The following HEATR5B variants were observed in gnomAD, a reference collection of about 807,000 sequenced individuals.
The protein encoded by HEATR5B is HEAT repeat-containing protein 5B.
A neutral mutation model predicts 224.1 loss-of-function variants in HEATR5B; 156 were observed. The ratio of observed to expected loss-of-function variants is 0.70; its 90% CI spans 0.61 to 0.80. The LOEUF (loss-of-function observed/expected upper bound fraction) is 0.80, where lower values mean the gene tolerates loss of function less well. Ranked by LOEUF, HEATR5B falls within the 30% of genes least tolerant of loss-of-function variation. The pLI is 0.00. For synonymous variants in HEATR5B, 1,027 were observed against 893.0 expected, an observed-to-expected ratio of 1.15 and a Z score of -2.68; for missense variants, 2,323 against 2,535.5, an observed-to-expected ratio of 0.92 and a Z score of 1.80.
At chr2:37,040,293 C>A in intron 20 of HEATR5B, 36 bp downstream of exon 20, 1 of 1,500,914 alleles carries the variant, frequency 6.7e-7, no homozygotes, top group Non-Finnish European at 9.2e-7. Flanking sequence ...TACTGATTAT[C>A]TAACTAGGTT....
chr2:37,046,008 T>C (rs1263911300), intron 18 of HEATR5B, among the ~76,000 whole-genome samples: 1 of 152,222 alleles, frequency 6.6e-6, no homozygotes, highest in Non-Finnish European at 1.5e-5. Context: ...ATTCTTTTAA[T>C]GTTTATCTGA....
chr2:37,068,953 C>G, intron 7 of HEATR5B, 23 bp from the exon 8 acceptor site: 1 of 1,603,126 alleles, frequency 6.2e-7, no homozygotes, highest in African/African-American at 1.3e-5. Flanking sequence ...GAAGGTACGA[C>G]TTCAGATACA....
intron 24 of HEATR5B, among the ~76,000 whole-genome samples, chr2:37,023,817 C>G (rs2148447914): frequency 6.6e-6 from 1 of 152,002 alleles, no homozygotes. Flanking sequence ...AAAAGAATAT[C>G]AGTTGCTTTG....
At chr2:37,034,074 T>G (rs1023311423) in intron 21 of HEATR5B, among the ~76,000 whole-genome samples, 1 of 152,016 alleles carries the variant, frequency 6.6e-6, no homozygotes, top group African/African-American at 2.4e-5. Flanking sequence ...GCTATTAATA[T>G]AGCATTTGTA....
intron 17 of HEATR5B, among the ~76,000 whole-genome samples, chr2:37,052,438 C>T (rs572863093): frequency 1.3e-5 from 2 of 152,302 alleles, no homozygotes; most frequent in East Asian, 1.9e-4. Flanking sequence ...ATACCATGGC[C>T]ATGATTTTTG....
intron 24 of HEATR5B, among the ~76,000 whole-genome samples, chr2:37,025,899 A>C (rs1036819647): frequency 6.6e-6 from 1 of 152,126 alleles, no homozygotes; most frequent in Non-Finnish European, 1.5e-5. Flanking sequence ...TTCATGTTGA[A>C]TCCCTCTGCT....
chr2:37,033,774 T>G (rs1369877880), intron 21 of HEATR5B, among the ~76,000 whole-genome samples: 1 of 152,178 alleles, frequency 6.6e-6, no homozygotes, highest in African/African-American at 2.4e-5. Context: ...GTGCCTTGAT[T>G]TGCCCACATG....
At chr2:37,009,411 AAAAAATAAC>A (rs1667648547) in intron 27 of HEATR5B, among the ~76,000 whole-genome samples, 1 of 151,594 alleles carries the variant, frequency 6.6e-6, no homozygotes, top group South Asian at 2.1e-4. Flanking sequence ...CTATCTCTAC[AAAAAATAAC>A]AAAAATGCTA....
In HEATR5B at chr2:37,061,940, TA is replaced by T; in HGVS notation, c.1694del (p.Leu565Ter). 2 of 1,594,708 alleles carry T rather than the reference TA, an allele frequency of 1.3e-6. No individual in the cohort carries two copies. The highest frequency in any genetic ancestry group is 8.6e-7 in the Non-Finnish European group (1 of 1,162,648). On this transcript the variant is annotated frameshift_variant and splice_region_variant, in exon 11 of 36. Coordinates refer to ENST00000233099, the MANE Select transcript of HEATR5B (RefSeq NM_019024.3). LOFTEE classifies it high-confidence loss of function. ...GWLLLGALMT[L>X]GPSVVRYHLP... Reference sequence around the variant, plus strand: ...AATCCTACTCAAATATAATTATACCTAAAGTCATAAGTGCTCCAAGTAAAAG... The same window carrying T: ...AATCCTACTCAAATATAATTATACCTAAGTCATAAGTGCTCCAAGTAAAAG...
chr2:37,041,726 T>C (rs985874400), intron 18 of HEATR5B, among the ~76,000 whole-genome samples: 5 of 151,772 alleles, frequency 3.3e-5, no homozygotes, highest in South Asian at 2.1e-4. Context: ...GCCTGGGTGA[T>C]AGAGCAGGAC....
intron 2 of HEATR5B, among the ~76,000 whole-genome samples, chr2:37,080,689 G>A (rs1672502457): frequency 6.6e-6 from 1 of 151,724 alleles, no homozygotes; most frequent in African/African-American, 2.4e-5. Context: ...AAGAGGTGGA[G>A]TAAACATTAT....
chr2:37,075,032 T>A (rs116713078), intron 5 of HEATR5B, among the ~76,000 whole-genome samples: 5 of 152,268 alleles, frequency 3.3e-5, no homozygotes, highest in Non-Finnish European at 7.3e-5. Flanking sequence ...AAACTAAATC[T>A]GCCCTATGAA....
chr2:37,020,914 A>G, intron 24 of HEATR5B, 78 bp from the exon 25 acceptor site: 3 of 834,332 alleles, frequency 3.6e-6, no homozygotes, highest in Non-Finnish European at 5.4e-6. Flanking sequence ...GAAATGAAAT[A>G]AATTTTTGAT....
chr2:37,060,211 C>G (rs1321010424), intron 12 of HEATR5B, among the ~76,000 whole-genome samples: 3 of 152,170 alleles, frequency 2.0e-5, no homozygotes, highest in Non-Finnish European at 4.4e-5. Context: ...ACTGCAAATG[C>G]CAATAACTTT....
chr2:37,006,633 C>A (rs145329765), intron 29 of HEATR5B, among the ~76,000 whole-genome samples: 5 of 152,116 alleles, frequency 3.3e-5, no homozygotes, highest in African/African-American at 1.2e-4. Flanking sequence ...AAGAGTGAAA[C>A]TCTGTCTCAA....
intron 29 of HEATR5B, among the ~76,000 whole-genome samples, chr2:37,006,736 T>C (rs1413622572): frequency 1.3e-5 from 2 of 152,224 alleles, no homozygotes. Context: ...TTTTTCTTAA[T>C]GGGATAATTG....
At chr2:37,071,462 T>C (rs889689062) in intron 6 of HEATR5B, among the ~76,000 whole-genome samples, 11 of 152,154 alleles carry the variant, frequency 7.2e-5, no homozygotes, top group Middle Eastern at 3.2e-3. Flanking sequence ...AAATTAATAC[T>C]GTGGTACAAA....
Position 37,058,439 on chromosome 2 carries a change from T to C in HEATR5B, c.2059+12A>G, listed in dbSNP as rs1415370298. 3.3e-6 allele frequency: 5 copies of C among 1,534,644 alleles called. No individual in the cohort carries two copies. The highest frequency in any genetic ancestry group is 3.6e-6 in the Non-Finnish European group (4 of 1,109,202). On this transcript the variant is annotated intron_variant, in intron 14 of 35. Coordinates refer to ENST00000233099, the MANE Select transcript of HEATR5B (RefSeq NM_019024.3). Reference sequence around the variant, plus strand: ...AAAAATTTTTATCAGATACCACAAATTTTTAATTTACCTTCATAAGTTTTT... The same window carrying C: ...AAAAATTTTTATCAGATACCACAAACTTTTAATTTACCTTCATAAGTTTTT...
At chr2:36,988,615 A>C in intron 35 of HEATR5B, 31 bp downstream of exon 35, 1 of 1,531,566 alleles carries the variant, frequency 6.5e-7, no homozygotes. Context: ...CTTCATTCTG[A>C]ACTAGTAGCT....
Sources: gnomAD v4.1 joint callset for allele counts (sites outside exome capture counted in the v4.1 genomes callset) on GRCh38, gnomAD v4.1.1 for gene constraint, MANE v1.5 for transcripts, NCBI Gene and HGNC (gene_info 2026-07-23, HGNC 2026-07-21) for gene names.